The following ASTN2 variants were observed in gnomAD, a reference collection of about 807,000 sequenced individuals.
ASTN2 encodes astrotactin 2, also known as astrotactin-2.
Under a neutral mutation model 139.8 loss-of-function variants are expected in ASTN2, and 54 were observed. The ratio of observed to expected loss-of-function variants is 0.39; its 90% CI spans 0.31 to 0.48. The LOEUF (loss-of-function observed/expected upper bound fraction) is 0.48, where lower values mean the gene tolerates loss of function less well. Among genes scored for constraint, ASTN2 ranks in the 20% least tolerant of loss-of-function variants. ASTN2 has a pLI of 0.95. For missense variants in ASTN2, 1,565 were observed against 1,725.1 expected, an observed-to-expected ratio of 0.91 and a Z score of 1.64; for synonymous variants, 756 against 719.5, an observed-to-expected ratio of 1.05 and a Z score of -0.81.
At chr9:117,239,757 C>T (rs1833151501) in intron 2 of ASTN2, among the ~76,000 whole-genome samples, 1 of 152,168 alleles carries the variant, frequency 6.6e-6, no homozygotes, top group Non-Finnish European at 1.5e-5. Flanking sequence ...ACATAAAAGC[C>T]CCATGACTCC....
chr9:116,840,451 G>T (rs1043083922), intron 11 of ASTN2, among the ~76,000 whole-genome samples: 1 of 148,762 alleles, frequency 6.7e-6, no homozygotes, highest in African/African-American at 2.5e-5. Context: ...CAGTAGGCGC[G>T]GCCGGGCAGA....
chr9:117,366,082 C>A (rs1243277237), intron 1 of ASTN2, among the ~76,000 whole-genome samples: 1 of 152,178 alleles, frequency 6.6e-6, no homozygotes, highest in Admixed American at 6.5e-5. Context: ...GGCCTTGTCT[C>A]ACTCATCTTG....
chr9:116,459,538 TA>T (rs1372952775), intron 20 of ASTN2, among the ~76,000 whole-genome samples: 1 of 151,988 alleles, frequency 6.6e-6, no homozygotes, highest in Admixed American at 6.6e-5. Flanking sequence ...GTCTAGAATA[TA>T]TAAAGTAGCA....
chr9:116,480,169 G>A (rs1446106591), intron 20 of ASTN2, among the ~76,000 whole-genome samples: 1 of 151,872 alleles, frequency 6.6e-6, no homozygotes, highest in Non-Finnish European at 1.5e-5. Context: ...AGGAAGGAAG[G>A]AAGGGAGGAA....
intron 16 of ASTN2, among the ~76,000 whole-genome samples, chr9:116,724,026 T>C (rs1016903324): frequency 1.3e-5 from 2 of 152,200 alleles, no homozygotes; most frequent in Non-Finnish European, 2.9e-5. Flanking sequence ...TGGGATTTTC[T>C]GGAATGAGAA....
chr9:116,445,721 C>T (rs1178318960), intron 20 of ASTN2, among the ~76,000 whole-genome samples: 1 of 152,168 alleles, frequency 6.6e-6, no homozygotes, highest in African/African-American at 2.4e-5. Flanking sequence ...AGTCTCCTCA[C>T]CTGTAAAATA....
At chr9:116,432,755 C>G (rs561968715) in intron 22 of ASTN2, among the ~76,000 whole-genome samples, 1 of 152,248 alleles carries the variant, frequency 6.6e-6, no homozygotes, top group South Asian at 2.1e-4. Context: ...CACGGTGAAG[C>G]CCCGTCTCTA....
intron 19 of ASTN2, among the ~76,000 whole-genome samples, chr9:116,525,248 A>C (rs1851040968): frequency 6.6e-6 from 1 of 152,208 alleles, no homozygotes; most frequent in African/African-American, 2.4e-5. Flanking sequence ...TAAATGATTT[A>C]GAGTATCTCT....
chr9:117,352,936 A>G (rs1389654111), intron 1 of ASTN2, among the ~76,000 whole-genome samples: 1 of 152,212 alleles, frequency 6.6e-6, no homozygotes, highest in African/African-American at 2.4e-5. Context: ...AAGTGACTTC[A>G]CTTACATGAA....
At chr9:116,643,647 A>C (rs1371557695) in intron 17 of ASTN2, among the ~76,000 whole-genome samples, 1 of 152,126 alleles carries the variant, frequency 6.6e-6, no homozygotes, top group African/African-American at 2.4e-5. Context: ...TGGATGATTA[A>C]ATTAGATAAA....
At chr9:116,751,298 C>T (rs1367568901) in intron 13 of ASTN2, among the ~76,000 whole-genome samples, 3 of 152,106 alleles carry the variant, frequency 2.0e-5, no homozygotes, top group African/African-American at 7.2e-5. Flanking sequence ...TATATATTTG[C>T]CTGTGTGGTA....
intron 19 of ASTN2, among the ~76,000 whole-genome samples, chr9:116,602,049 T>C (rs1854928463): frequency 1.3e-5 from 2 of 152,198 alleles, no homozygotes; most frequent in Admixed American, 1.3e-4. Context: ...GGTATAGTAC[T>C]GAAGAAACCA....
At chr9:116,830,905 C>T (rs1419792171) in intron 11 of ASTN2, among the ~76,000 whole-genome samples, 1 of 151,410 alleles carries the variant, frequency 6.6e-6, no homozygotes, top group Non-Finnish European at 1.5e-5. Context: ...ACGGAATTAA[C>T]CTGAATGTCT....
At chr9:116,987,002 A>C (rs1347017438) in intron 7 of ASTN2, among the ~76,000 whole-genome samples, 1 of 152,186 alleles carries the variant, frequency 6.6e-6, no homozygotes, top group Non-Finnish European at 1.5e-5. Context: ...TGCAGGTATG[A>C]AGAAGCAGTC....
At chr9:116,918,696 TG>T (rs1834519830) in intron 10 of ASTN2, among the ~76,000 whole-genome samples, 1 of 152,206 alleles carries the variant, frequency 6.6e-6, no homozygotes, top group Non-Finnish European at 1.5e-5. Context: ...CGGACTATTA[TG>T]CAGCTATCAG....
chr9:116,705,755 A>G (rs1827974259), intron 16 of ASTN2, among the ~76,000 whole-genome samples: 1 of 152,164 alleles, frequency 6.6e-6, no homozygotes, highest in Admixed American at 6.5e-5. Context: ...CAAGAGAGTA[A>G]GATAAATGGT....
At chr9:117,282,975 T>C (rs1834360604) in intron 2 of ASTN2, among the ~76,000 whole-genome samples, 5 of 147,018 alleles carry the variant, frequency 3.4e-5, no homozygotes, top group Admixed American at 2.0e-4. Context: ...TATTTCATAC[T>C]TCTACTGTTT....
At chr9:116,822,834 G>GAGAAAC (rs1831527216) in intron 11 of ASTN2, among the ~76,000 whole-genome samples, 1 of 152,178 alleles carries the variant, frequency 6.6e-6, no homozygotes, top group African/African-American at 2.4e-5. Context: ...ACTTTCTATG[G>GAGAAAC]TAAAGGTTAT....
chr9:116,761,298 T>C (rs1829667153), intron 13 of ASTN2, among the ~76,000 whole-genome samples: 1 of 152,202 alleles, frequency 6.6e-6, no homozygotes, highest in Non-Finnish European at 1.5e-5. Context: ...AAGTAGCTCA[T>C]TCATTCACTT....
Sources: gnomAD v4.1 joint callset for allele counts (sites outside exome capture counted in the v4.1 genomes callset) on GRCh38, gnomAD v4.1.1 for gene constraint, MANE v1.5 for transcripts, NCBI Gene and HGNC (gene_info 2026-07-23, HGNC 2026-07-21) for gene names.